Variants in PARD6G observed in about 807,000 individuals in gnomAD.
The protein encoded by PARD6G is partitioning defective 6 homolog gamma.
Under a neutral mutation model 10.7 loss-of-function variants are expected in PARD6G, and 7 were observed. That is an observed-to-expected ratio of 0.66 (90% confidence interval 0.37 to 1.23). The LOEUF is 1.23. Among genes scored for constraint, PARD6G ranks in the 50% most tolerant of loss-of-function variants. The probability of loss-of-function intolerance (pLI) is 0.02; values close to 1 mark genes in which losing one functional copy is unlikely to be tolerated. For missense variants in PARD6G, 548 were observed against 571.8 expected (o/e 0.96, Z 0.42); for synonymous variants, 287 against 269.4 (o/e 1.07, Z -0.64).
In PARD6G at chr18:80,180,813, G is replaced by A. The variant is rs1203592416; in HGVS notation, c.296-20207C>T. Among the ~76,000 whole-genome samples the A allele has an allele frequency of 2.0e-5, 3 of 152,134 alleles. No individual in the cohort carries two copies. Among genetic ancestry groups the A allele is most frequent in the Non-Finnish European group, 4.4e-5 (3 of 68,008 alleles). On this transcript the variant is annotated intron_variant, in intron 2 of 2. Transcript: ENST00000353265. The surrounding 1 kb of genome is among the most constrained non-coding windows in gnomAD (Gnocchi z 5.6). ...CAGGGGACAGCCACAACTTAGCCCC[G>A]TGGTTCTGCCCCCAGCAGACATGTG...
intron 2 of PARD6G, among the ~76,000 whole-genome samples, chr18:80,191,009 C>G (rs912807289): frequency 6.6e-6 from 1 of 152,208 alleles, no homozygotes; most frequent in Non-Finnish European, 1.5e-5. Context: ...CATTAGACTC[C>G]TCTCATCCAA....
At chr18:80,242,681 C>A (rs1187681253) in intron 1 of PARD6G, among the ~76,000 whole-genome samples, 1 of 152,142 alleles carries the variant, frequency 6.6e-6, no homozygotes, top group Non-Finnish European at 1.5e-5. Context: ...GGAAACATTG[C>A]GAACAAGAAG....
intron 1 of PARD6G, among the ~76,000 whole-genome samples, chr18:80,209,141 C>T (rs980618930): frequency 3.3e-5 from 5 of 151,770 alleles, no homozygotes; most frequent in African/African-American, 1.2e-4. Context: ...AAAAAACACA[C>T]CTTTCCCTCA....
Position 80,160,449 on chromosome 18 carries a change from C to A in PARD6G, c.453G>T (p.Leu151=), listed in dbSNP as rs2052691531. ...RPVSSIIDVD[L]VPETHRRVRL... ...GCACTCGCCGGTGCGTCTCGGGGAC[C>A]AGGTCCACATCGATGATGGATGATA... Residue 151 remains leucine, a synonymous_variant, in exon 3 of 3, where the codon CTG becomes CTT. Coordinates refer to ENST00000353265, the MANE Select transcript of PARD6G (RefSeq NM_032510.4). 1 of 1,579,608 alleles carries A rather than the reference C, an allele frequency of 6.3e-7. No individual in the cohort carries two copies.
intron 1 of PARD6G, among the ~76,000 whole-genome samples, chr18:80,219,817 A>G (rs889237284): frequency 6.6e-6 from 1 of 152,062 alleles, no homozygotes; most frequent in African/African-American, 2.4e-5. Flanking sequence ...GAAGTTCCAA[A>G]TTTTCCCACA....
At chr18:80,185,863 C>T (rs1301286561) in intron 2 of PARD6G, among the ~76,000 whole-genome samples, 3 of 149,460 alleles carry the variant, frequency 2.0e-5, no homozygotes, top group South Asian at 2.1e-4. Flanking sequence ...GGCACCCTCT[C>T]GCATATACTG....
chr18:80,242,150 C>T (rs138197331), intron 1 of PARD6G, among the ~76,000 whole-genome samples: 2 of 152,104 alleles, frequency 1.3e-5, no homozygotes, highest in African/African-American at 4.8e-5. Context: ...GCCATCAGTG[C>T]CCCCCAGGCT....
chr18:80,172,211 T>C (rs1295865138), intron 2 of PARD6G, among the ~76,000 whole-genome samples: 1 of 152,230 alleles, frequency 6.6e-6, no homozygotes, highest in Non-Finnish European at 1.5e-5. Flanking sequence ...TCTGTCATTA[T>C]CAGCCATCAC....
chr18:80,201,809 C>T lies in PARD6G; in HGVS notation c.295+901G>A, dbSNP rs898423237. Reference sequence around the variant, plus strand: ...CTGGGGTGAAGGAGGCGGAGGGCCTCGTCTGAGAACTCGCCCAGCCCGCCT... The same window carrying T: ...CTGGGGTGAAGGAGGCGGAGGGCCTTGTCTGAGAACTCGCCCAGCCCGCCT... On this transcript the variant is annotated intron_variant, in intron 2 of 2. Coordinates refer to ENST00000353265, the MANE Select transcript of PARD6G (RefSeq NM_032510.4). The surrounding 1 kb of genome is among the most constrained non-coding windows in gnomAD (Gnocchi z 5.9). 1.3e-5 allele frequency among the ~76,000 whole-genome samples: 2 copies of T among 152,338 alleles called. No individual in the cohort carries two copies. The highest frequency in any genetic ancestry group is 1.9e-4 in the East Asian group (1 of 5,182).
intron 1 of PARD6G, among the ~76,000 whole-genome samples, chr18:80,224,619 G>A (rs1160847812): frequency 2.0e-5 from 3 of 152,138 alleles, no homozygotes; most frequent in South Asian, 2.1e-4. Flanking sequence ...AGGCCGAGGC[G>A]GGCGGATCAC....
At chr18:80,229,808 G>C (rs942613016) in intron 1 of PARD6G, among the ~76,000 whole-genome samples, 1 of 152,226 alleles carries the variant, frequency 6.6e-6, no homozygotes, top group Non-Finnish European at 1.5e-5. Flanking sequence ...TGAGGACAGA[G>C]AGCATTTCAT....
At chr18:80,221,665 C>T (rs1967231388) in intron 1 of PARD6G, among the ~76,000 whole-genome samples, 1 of 152,084 alleles carries the variant, frequency 6.6e-6, no homozygotes, top group Admixed American at 6.5e-5. Context: ...TCTACTTTCA[C>T]ATCATCTATT....
intron 2 of PARD6G, among the ~76,000 whole-genome samples, chr18:80,165,343 GAAGA>G (rs1469459376): frequency 1.3e-5 from 2 of 152,196 alleles, no homozygotes; most frequent in Non-Finnish European, 2.9e-5. Flanking sequence ...CTCTCTGCAA[GAAGA>G]AAAATATGGC....
At position 80,247,425 on chromosome 18, in the gene PARD6G, C is replaced by T; in HGVS notation, c.-77G>A. 8.1e-7 allele frequency: 1 copy of T among 1,241,864 alleles called. No homozygotes were observed. Among genetic ancestry groups the T allele is most frequent in the Non-Finnish European group, 1.1e-6 (1 of 922,734 alleles). 76.9% of individuals were successfully genotyped at this position (1,241,864 alleles called of 1,614,324 possible). A position where few individuals can be genotyped will look rare whatever the true frequency, so the allele number is the denominator to read the frequency against. Reference sequence around the variant, plus strand: ...GAAAGACTCCCGGGGGCGGCGCCCCCAGGCCCCGGCCCCGGCCCCGGCCCG... The same window carrying T: ...GAAAGACTCCCGGGGGCGGCGCCCCTAGGCCCCGGCCCCGGCCCCGGCCCG... On this transcript the variant is annotated 5_prime_UTR_variant, in exon 1 of 3. Transcript: ENST00000353265. The surrounding 1 kb of genome is among the most constrained non-coding windows in gnomAD (Gnocchi z 4.2).
At chr18:80,165,805 G>A (rs545358469) in intron 2 of PARD6G, among the ~76,000 whole-genome samples, 1 of 152,318 alleles carries the variant, frequency 6.6e-6, no homozygotes, top group South Asian at 2.1e-4. Flanking sequence ...ATTTCCACTG[G>A]GTGCGCTGGC....
chr18:80,172,422 G>A (rs1275433525), intron 2 of PARD6G, among the ~76,000 whole-genome samples: 1 of 146,366 alleles, frequency 6.8e-6, no homozygotes, highest in African/African-American at 2.5e-5. Context: ...TCTGTTGCCC[G>A]AGCTGGAATG....
Position 80,200,064 on chromosome 18 carries a change from G to A in PARD6G, c.295+2646C>T, listed in dbSNP as rs183860629. 7.9e-5 allele frequency among the ~76,000 whole-genome samples: 12 copies of A among 152,206 alleles called. No homozygotes were observed. The highest frequency in any genetic ancestry group is 1.3e-4 in the Admixed American group (2 of 15,300). ...CTTAACATATATTTAAATAAAATAC[G>A]TCCGTGTACAGAAAGTTATTAAGTA... On this transcript the variant is annotated intron_variant, in intron 2 of 2. Coordinates refer to ENST00000353265, the MANE Select transcript of PARD6G (RefSeq NM_032510.4). The surrounding 1 kb of genome is among the most constrained non-coding windows in gnomAD (Gnocchi z 4.4).
At chr18:80,195,363 G>A (rs1284401961) in intron 2 of PARD6G, among the ~76,000 whole-genome samples, 1 of 151,616 alleles carries the variant, frequency 6.6e-6, no homozygotes, top group Non-Finnish European at 1.5e-5. Context: ...GCTTGGAGCA[G>A]GCGGGAATCC....
Position 80,188,604 on chromosome 18 carries a change from C to G in PARD6G, c.295+14106G>C, listed in dbSNP as rs2052892243. 6.6e-6 allele frequency among the ~76,000 whole-genome samples: 1 copy of G among 152,188 alleles called. No homozygotes were observed. On this transcript the variant is annotated intron_variant, in intron 2 of 2. Transcript: ENST00000353265. This position sits in a 1 kb window ranked among gnomAD's most constrained non-coding sequence, Gnocchi z 5.4. Reference sequence around the variant, plus strand: ...ATGCCCAGTTCGCCAGAGGAAGGGTCTCTCTGTTTCCCCACCTATTGCTCT... The same window carrying G: ...ATGCCCAGTTCGCCAGAGGAAGGGTGTCTCTGTTTCCCCACCTATTGCTCT...
Sources: gnomAD v4.1 joint callset for allele counts (sites outside exome capture counted in the v4.1 genomes callset) on GRCh38, gnomAD v4.1.1 for gene constraint, Gnocchi (gnomAD v3.1) non-coding constraint, MANE v1.5 for transcripts, NCBI Gene and HGNC (gene_info 2026-07-23, HGNC 2026-07-21) for gene names.